The following MAB21L3 variants were observed in gnomAD, a reference collection of about 807,000 sequenced individuals.
MAB21L3 encodes the protein mab-21 like 3.
Under a neutral mutation model 37.7 loss-of-function variants are expected in MAB21L3, and 36 were observed. That is an observed-to-expected ratio of 0.96 (90% CI 0.73 to 1.26). The LOEUF is 1.26. Among genes scored for constraint, MAB21L3 ranks in the 50% most tolerant of loss-of-function variants. The pLI is 0.00. For missense variants in MAB21L3, 430 were observed against 447.3 expected (o/e 0.96, Z 0.35); for synonymous variants, 186 against 176.8 (o/e 1.05, Z -0.41).
chr1:116,117,158 C>CATAT lies in MAB21L3; in HGVS notation c.49-3771_49-3770insTATA, dbSNP rs773287860. 4.9e-3 allele frequency among the ~76,000 whole-genome samples: 425 copies of CATAT among 86,020 alleles called. 13 individuals carry two copies. The highest frequency in any genetic ancestry group is 0.021 in the African/African-American group (362 of 17,096). The allele number at this position is 86,020 out of a possible 152,430, so 56.4% of individuals were successfully genotyped here. A position where few individuals can be genotyped will look rare whatever the true frequency, so the allele number is the denominator to read the frequency against. Reference sequence around the variant, plus strand: ...TTATTAACTCAGGAATCAAAATATACATACATATATATATATATATATATA... The same window carrying CATAT: ...TTATTAACTCAGGAATCAAAATATACATATATACATATATATATATATATATATA... On this transcript the variant is annotated intron_variant, in intron 3 of 7. Transcript: ENST00000369500.
chr1:116,132,437 G>A (rs1413316121), intron 7 of MAB21L3, among the ~76,000 whole-genome samples: 1 of 152,182 alleles, frequency 6.6e-6, no homozygotes, highest in East Asian at 1.9e-4. Context: ...GGTCAGGTAA[G>A]GTGCAGGCTG....
rs1469767938 is a variant in MAB21L3 at position 116,136,737 on chromosome 1, A to G, written c.*3372A>G. On this transcript the variant is annotated 3_prime_UTR_variant, in exon 8 of 8. Coordinates refer to ENST00000369500, the MANE Select transcript of MAB21L3 (RefSeq NM_152367.3). Reference sequence around the variant, plus strand: ...TGACTTCAAACTATACTACAAGGCTACAGTAACCAAAACAGCATGGTACTG... The same window carrying G: ...TGACTTCAAACTATACTACAAGGCTGCAGTAACCAAAACAGCATGGTACTG... 6.6e-6 allele frequency among the ~76,000 whole-genome samples: 1 copy of G among 152,094 alleles called. No individual in the cohort carries two copies. The highest frequency in any genetic ancestry group is 2.4e-5 in the African/African-American group (1 of 41,426).
intron 4 of MAB21L3, among the ~76,000 whole-genome samples, chr1:116,122,010 A>T (rs1455595742): frequency 2.0e-5 from 3 of 152,192 alleles, no homozygotes; most frequent in Non-Finnish European, 2.9e-5. Context: ...ACATCCCTCG[A>T]TTGTAAGGAC....
rs926057518 is a variant in MAB21L3 at position 116,123,985 on chromosome 1, G to A, written c.190-81G>A. ...GGAGTGGTTAACAGAGCTGCCTGAC[G>A]AGACAGGTTGGTTCCCAGGACTTCC... is the stretch of plus-strand genomic sequence containing the variant. On this transcript the variant is annotated intron_variant, in intron 4 of 7. Coordinates refer to ENST00000369500, the MANE Select transcript of MAB21L3 (RefSeq NM_152367.3). 114 of 1,439,564 alleles carry A rather than the reference G, an allele frequency of 7.9e-5. 1 individual carries two copies. In the East Asian group the frequency reaches 2.3e-3, roughly 29 times the overall value. 89.2% of individuals were successfully genotyped at this position (1,439,564 alleles called of 1,614,324 possible). A position where few individuals can be genotyped will look rare whatever the true frequency, so the allele number is the denominator to read the frequency against.
intron 3 of MAB21L3, among the ~76,000 whole-genome samples, chr1:116,116,054 C>T (rs914990683): frequency 1.3e-5 from 2 of 152,196 alleles, no homozygotes; most frequent in African/African-American, 4.8e-5. Flanking sequence ...TGGGTGTCTA[C>T]TTGTGTTAGA....
rs1483019232 is a variant in MAB21L3 at position 116,132,869 on chromosome 1, G to A, written c.856-263G>A. 2.6e-5 allele frequency among the ~76,000 whole-genome samples: 4 copies of A among 152,244 alleles called. No individual in the cohort carries two copies. In the East Asian group the frequency reaches 5.8e-4, roughly 22 times the overall value. On this transcript the variant is annotated intron_variant, in intron 7 of 7. Coordinates refer to ENST00000369500, the MANE Select transcript of MAB21L3 (RefSeq NM_152367.3). ...GGGGTTCCATTTTCCCCGTAAAGTA[G>A]GAGGCAAAGACATTGCCTGGATTAG... is the stretch of plus-strand genomic sequence containing the variant.
intron 4 of MAB21L3, among the ~76,000 whole-genome samples, chr1:116,123,609 TGAG>T (rs1200457692): frequency 6.6e-6 from 1 of 152,236 alleles, no homozygotes; most frequent in African/African-American, 2.4e-5. Flanking sequence ...TGTGTGTCCC[TGAG>T]GAGATCTCCA....
chr1:116,117,158 C>CATATATATATATATATATATAT lies in MAB21L3; in HGVS notation c.49-3771_49-3770insTATATATATATATATATATATA, dbSNP rs773287860. Reference sequence around the variant, plus strand: ...TTATTAACTCAGGAATCAAAATATACATACATATATATATATATATATATA... The same window carrying CATATATATATATATATATATAT: ...TTATTAACTCAGGAATCAAAATATACATATATATATATATATATATATATACATATATATATATATATATATA... On this transcript the variant is annotated intron_variant, in intron 3 of 7. Transcript: ENST00000369500. Among the ~76,000 whole-genome samples the CATATATATATATATATATATAT allele has an allele frequency of 1.3e-4, 11 of 86,066 alleles. No individual in the cohort carries two copies. In the East Asian group the frequency reaches 1.9e-3, roughly 15 times the overall value. 56.5% of individuals were successfully genotyped at this position (86,066 alleles called of 152,430 possible). A position where few individuals can be genotyped will look rare whatever the true frequency, so the allele number is the denominator to read the frequency against.
intron 3 of MAB21L3, among the ~76,000 whole-genome samples, chr1:116,119,800 G>T (rs1284812947): frequency 6.6e-6 from 1 of 152,112 alleles, no homozygotes; most frequent in Non-Finnish European, 1.5e-5. Flanking sequence ...AAGTTCCTTT[G>T]TGTTTCCCAC....
Position 116,127,516 on chromosome 1 carries a change from A to G in MAB21L3, c.532A>G (p.Thr178Ala), listed in dbSNP as rs1659942075. The change falls in exon 6 of 8, where the codon ACA (threonine) becomes GCA (alanine). Residue 178 changes from threonine to alanine, a missense_variant. Physicochemically the swap from Thr to Ala is moderately conservative, Grantham distance 58. Coordinates refer to ENST00000369500, the MANE Select transcript of MAB21L3 (RefSeq NM_152367.3). ...CTCTGCAGTTTGGGTTGCTGTGGAA[A>G]CATCTGCATATCAGGTGGAACTGGA... ...NRSAVWVAVE[T>A]SAYQVELELV... The G allele has an allele frequency of 6.2e-7, 1 of 1,614,084 alleles. No individual in the cohort carries two copies. The highest frequency in any genetic ancestry group is 8.5e-7 in the Non-Finnish European group (1 of 1,180,048).
At chr1:116,120,677 C>G (rs1381535475) in intron 3 of MAB21L3, among the ~76,000 whole-genome samples, 1 of 152,044 alleles carries the variant, frequency 6.6e-6, no homozygotes, top group Non-Finnish European at 1.5e-5. Context: ...CAGCCTGGCA[C>G]CTGCTACATA....
Position 116,133,137 on chromosome 1 carries a change from G to C in MAB21L3, c.861G>C (p.Val287=), listed in dbSNP as rs1448853258. 3 of 1,613,678 alleles carry C rather than the reference G, an allele frequency of 1.9e-6. No homozygotes were observed. In the South Asian group the frequency reaches 3.3e-5, roughly 18 times the overall value. ...PVITSHHLQT[V]LFWTCEKYPH... is the part of the protein sequence containing the mutation. ...AGCACTTCTCCCTTCCACAGACTGT[G>C]CTCTTTTGGACCTGCGAGAAATATC... Residue 287 remains valine, a synonymous_variant, in exon 8 of 8, where the codon GTG becomes GTC. Coordinates refer to ENST00000369500, the MANE Select transcript of MAB21L3 (RefSeq NM_152367.3).
chr1:116,125,874 C>CGGCAGGGTGTGGGCT (rs1026718929), intron 5 of MAB21L3, among the ~76,000 whole-genome samples: 4 of 149,800 alleles, frequency 2.7e-5, no homozygotes, highest in African/African-American at 1.0e-4. Context: ...GGGTGTGGGC[C>CGGCAGGGTGTGGGCT]GGCAGGGTGT....
chr1:116,129,222 C>G (rs147394338), intron 7 of MAB21L3, among the ~76,000 whole-genome samples: 89 of 139,618 alleles, frequency 6.4e-4, no homozygotes, highest in African/African-American at 2.7e-3. Context: ...AGAGCCTGAC[C>G]TGGACTGGGC....
intron 3 of MAB21L3, among the ~76,000 whole-genome samples, chr1:116,117,442 T>G (rs1659625123): frequency 6.6e-6 from 1 of 152,098 alleles, no homozygotes; most frequent in African/African-American, 2.4e-5. Context: ...ACTAGCTTTA[T>G]CCGTTCTTTA....
chr1:116,137,424 G>T lies in MAB21L3; in HGVS notation c.*4059G>T, dbSNP rs1310937429. ...GAAATGCAAATCAAAACCACAGTGAGATACCATCTCACACCAGTTAGAATG... is the reference window on the plus strand; with the variant it reads ...GAAATGCAAATCAAAACCACAGTGATATACCATCTCACACCAGTTAGAATG... On this transcript the variant is annotated 3_prime_UTR_variant, in exon 8 of 8. Transcript: ENST00000369500. Among the ~76,000 whole-genome samples, 1 of 134,824 alleles carries T rather than the reference G, an allele frequency of 7.4e-6. No homozygotes were observed. The highest frequency in any genetic ancestry group is 2.0e-4 in the East Asian group (1 of 4,988). The allele number at this position is 134,824 out of a possible 152,430, so 88.4% of individuals were successfully genotyped here. A position where few individuals can be genotyped will look rare whatever the true frequency, so the allele number is the denominator to read the frequency against.
intron 7 of MAB21L3, among the ~76,000 whole-genome samples, chr1:116,129,343 A>C (rs1660000059): frequency 6.6e-6 from 1 of 152,192 alleles, no homozygotes; most frequent in African/African-American, 2.4e-5. Flanking sequence ...AGCTCTGTGC[A>C]GCCTGCTGGA....
intron 7 of MAB21L3, among the ~76,000 whole-genome samples, chr1:116,130,745 T>C (rs1469285191): frequency 6.6e-6 from 1 of 152,256 alleles, no homozygotes; most frequent in Non-Finnish European, 1.5e-5. Flanking sequence ...AGCTTATCTT[T>C]TATTGCCTTA....
intron 3 of MAB21L3, among the ~76,000 whole-genome samples, chr1:116,113,493 TC>T (rs1659485902): frequency 6.6e-6 from 1 of 152,172 alleles, no homozygotes; most frequent in South Asian, 2.1e-4. Context: ...GGCATTTTTT[TC>T]GTGGGTCCTG....
Sources: allele counts gnomAD v4.1 joint callset (sites outside exome capture counted in the v4.1 genomes callset), GRCh38; gene constraint gnomAD v4.1.1; transcripts MANE v1.5; gene names NCBI Gene and HGNC (gene_info 2026-07-23, HGNC 2026-07-21).